Variants in GARS1 observed in about 807,000 individuals in gnomAD.
GARS1 encodes glycyl-tRNA synthetase 1, also known as glycine--tRNA ligase.
Under a neutral mutation model 86.4 loss-of-function variants are expected in GARS1, and 46 were observed. The observed-to-expected ratio is 0.53, with a 90% confidence interval of 0.42 to 0.68. The LOEUF (loss-of-function observed/expected upper bound fraction) is 0.68. GARS1 is among the 30% of genes least tolerant of loss of function. The probability of loss-of-function intolerance (pLI) is 0.00; values close to 1 mark genes in which losing one functional copy is unlikely to be tolerated. For missense variants in GARS1, 797 were observed against 915.6 expected (o/e 0.87, Z 1.67); for synonymous variants, 342 against 329.8 (o/e 1.04, Z -0.40).
intron 8 of GARS1, among the ~76,000 whole-genome samples, chr7:30,613,297 C>T (rs1782808069): frequency 6.6e-6 from 1 of 152,214 alleles, no homozygotes; most frequent in African/African-American, 2.4e-5. Context: ...GGAATGACCC[C>T]TCTGAGCTTT....
intron 13 of GARS1, among the ~76,000 whole-genome samples, chr7:30,628,230 G>A (rs909401443): frequency 1.3e-5 from 2 of 151,460 alleles, no homozygotes; most frequent in Admixed American, 6.6e-5. Context: ...TGCCTTCCAG[G>A]CTGGAGTGCA....
At chr7:30,601,658 A>G (rs1359937891) in intron 4 of GARS1, among the ~76,000 whole-genome samples, 1 of 152,252 alleles carries the variant, frequency 6.6e-6, no homozygotes, top group Non-Finnish European at 1.5e-5. Context: ...TTATTTCCTT[A>G]ATACAAGTTC....
chr7:30,625,425 G>A (rs16875290), intron 12 of GARS1, among the ~76,000 whole-genome samples: 13,600 of 152,190 alleles, frequency 0.089, 1,154 homozygotes, highest in African/African-American at 0.22. Flanking sequence ...GATTATCACA[G>A]GTGGAAACTA....
At chr7:30,622,912 A>T (rs942828782) in intron 12 of GARS1, among the ~76,000 whole-genome samples, 5 of 152,088 alleles carry the variant, frequency 3.3e-5, no homozygotes, top group Non-Finnish European at 5.9e-5. Context: ...CATCCTGGCT[A>T]ACACAGTGAA....
chr7:30,595,569 C>A (rs1791229550), intron 1 of GARS1, among the ~76,000 whole-genome samples: 2 of 152,210 alleles, frequency 1.3e-5, no homozygotes, highest in African/African-American at 4.8e-5. Context: ...TGGAAAGCCT[C>A]CTAATTCTTT....
intron 13 of GARS1, among the ~76,000 whole-genome samples, chr7:30,628,326 A>G (rs201574439): frequency 6.6e-6 from 1 of 152,034 alleles, no homozygotes; most frequent in Non-Finnish European, 1.5e-5. Context: ...CTGGGATTAC[A>G]CGCACCTGCC....
chr7:30,622,049 A>G (rs778272638), intron 11 of GARS1: 57 of 472,198 alleles, frequency 1.2e-4, no homozygotes, highest in Non-Finnish European at 1.9e-4. Flanking sequence ...TTCTTATGCT[A>G]TGGGTTGGGT....
intron 12 of GARS1, among the ~76,000 whole-genome samples, chr7:30,624,590 A>G (rs1783088831): frequency 6.6e-6 from 1 of 152,232 alleles, no homozygotes; most frequent in African/African-American, 2.4e-5. Flanking sequence ...AATGGATAGA[A>G]TGAACTCTAG....
chr7:30,624,254 C>T (rs1562781044), intron 12 of GARS1, among the ~76,000 whole-genome samples: 1 of 152,018 alleles, frequency 6.6e-6, no homozygotes, highest in African/African-American at 2.4e-5. Context: ...GAGTGCATTG[C>T]CAGCAGACCT....
intron 8 of GARS1, 58 bp from the exon 9 acceptor site, chr7:30,615,838 G>T (rs1047164699): frequency 8.9e-6 from 14 of 1,576,342 alleles, no homozygotes; most frequent in South Asian, 3.4e-5. Flanking sequence ...CTTGTTTTTT[G>T]TTTGTTTGTT....
At chr7:30,596,068 G>C (rs1791240317) in intron 1 of GARS1, 1 of 359,206 alleles carries the variant, frequency 2.8e-6, no homozygotes, top group South Asian at 2.1e-5. Context: ...TATGCAATTA[G>C]GGAGAGCCAG....
upstream of GARS1, chr7:30,594,799 G>A: frequency 2.5e-6 from 2 of 807,344 alleles, no homozygotes. Flanking sequence ...GCGTCACGCG[G>A]TGGTGAATGT....
chr7:30,628,404 C>T (rs879901757), intron 13 of GARS1, 156 bp from the exon 14 acceptor site: 6 of 558,358 alleles, frequency 1.1e-5, no homozygotes, highest in African/African-American at 1.9e-5. Context: ...AGGCTGGTCT[C>T]GAACTCCTGA....
chr7:30,630,365 T>C (rs1477464166), intron 14 of GARS1, among the ~76,000 whole-genome samples: 5 of 152,206 alleles, frequency 3.3e-5, no homozygotes, highest in African/African-American at 1.2e-4. Context: ...AACTGGAACC[T>C]GTGTCATTCA....
intron 14 of GARS1, among the ~76,000 whole-genome samples, chr7:30,630,486 T>G (rs1783213518): frequency 6.6e-6 from 1 of 152,086 alleles, no homozygotes; most frequent in Non-Finnish European, 1.5e-5. Context: ...GGTTGATTGG[T>G]TTGCCTTCCA....
rs376117067 is a variant in GARS1, at chr7:30,603,529, G to C, written c.692G>C (p.Cys231Ser). ...HLQKLMSDKK[C>S]SVEKKSEMES... ...CAGAAATTGATGTCTGATAAGAAGT[G>C]TTCTGTCGAAAAGAAATCAGAAATG... Residue 231 changes from cysteine (C) to serine (S), a missense_variant, in exon 6 of 17, where the codon TGT (cysteine) becomes TCT (serine). By Grantham distance (112) the Cys-to-Ser change is moderately radical. Transcript: ENST00000389266. The C allele has an allele frequency of 6.2e-7, 1 of 1,613,804 alleles. No homozygotes were observed. The highest frequency in any genetic ancestry group is 8.5e-7 in the Non-Finnish European group (1 of 1,179,964).
In GARS1 at chr7:30,623,111, A is replaced by C. The variant is rs1427150235; in HGVS notation, c.1613+649A>C. ...GTGAGACTCCGTCTCAAAAAAAAAA[A>C]AACAAAAAAAAAAAATAGAGAAAAG... On this transcript the variant is annotated intron_variant, in intron 12 of 16. Coordinates refer to ENST00000389266, the MANE Select transcript of GARS1 (RefSeq NM_002047.4). Among the ~76,000 whole-genome samples the C allele has an allele frequency of 6.0e-5, 9 of 150,594 alleles. No individual in the cohort carries two copies. In the South Asian group the frequency reaches 1.5e-3, roughly 24 times the overall value.
chr7:30,603,020 A>G lies in GARS1; in HGVS notation c.570-14A>G. The G allele has an allele frequency of 1.3e-6, 2 of 1,594,742 alleles. No homozygotes were observed. The highest frequency in any genetic ancestry group is 8.6e-7 in the Non-Finnish European group (1 of 1,162,382). ...TATGAGAATGACAAATTGGGTTGGC[A>G]TTTGTTAATTTAGGACCTCTGGCCA... On this transcript the variant is annotated splice_polypyrimidine_tract_variant and intron_variant, in intron 4 of 16. Transcript: ENST00000389266.
At chr7:30,617,987 A>T (rs898545157) in intron 10 of GARS1, among the ~76,000 whole-genome samples, 9 of 152,354 alleles carry the variant, frequency 5.9e-5, no homozygotes, top group African/African-American at 2.2e-4. Flanking sequence ...TCGCCTACAT[A>T]GAAAGAGACT....
Sources: allele counts gnomAD v4.1 joint callset (sites outside exome capture counted in the v4.1 genomes callset), GRCh38; gene constraint gnomAD v4.1.1; transcripts MANE v1.5; gene names NCBI Gene and HGNC (gene_info 2026-07-23, HGNC 2026-07-21).